CPT1A: variants seen among roughly 807,000 people sequenced by gnomAD.
The protein encoded by CPT1A is carnitine O-palmitoyltransferase 1, liver isoform.
CPT1A carries 64 observed loss-of-function variants against 100.8 expected under a neutral mutation model. The ratio of observed to expected loss-of-function variants is 0.63; its 90% CI spans 0.52 to 0.78. The LOEUF is 0.78. CPT1A is among the 30% of genes least tolerant of loss of function. The pLI is 0.00. For synonymous variants in CPT1A, 363 were observed against 396.0 expected (o/e 0.92, Z 0.99); for missense variants, 802 against 1,034.1 (o/e 0.78, Z 3.08).
At chr11:68,764,581 C>G (rs1282476314) in intron 14 of CPT1A, among the ~76,000 whole-genome samples, 1 of 152,110 alleles carries the variant, frequency 6.6e-6, no homozygotes, top group East Asian at 1.9e-4. Flanking sequence ...GAGAGTCAGA[C>G]AGAGCACAGG....
At chr11:68,828,265 G>A (rs1856783985) in intron 1 of CPT1A, among the ~76,000 whole-genome samples, 1 of 152,180 alleles carries the variant, frequency 6.6e-6, no homozygotes, top group Non-Finnish European at 1.5e-5. Context: ...TGCCCACCTC[G>A]CCATCGCTGC....
At chr11:68,760,192 C>G (rs1253929427) in intron 17 of CPT1A, 33 bp downstream of exon 17, 2 of 1,484,066 alleles carry the variant, frequency 1.3e-6, no homozygotes, top group Admixed American at 1.8e-5. Context: ...TCACCACGCC[C>G]CACTGCGCCT....
intron 1 of CPT1A, among the ~76,000 whole-genome samples, chr11:68,835,419 A>G (rs1856985734): frequency 6.6e-6 from 1 of 152,360 alleles, no homozygotes; most frequent in South Asian, 2.1e-4. Flanking sequence ...TTTGCACAGA[A>G]TATAACAACT....
chr11:68,784,543 A>T (rs1030289934), intron 10 of CPT1A, among the ~76,000 whole-genome samples: 1 of 152,164 alleles, frequency 6.6e-6, no homozygotes, highest in African/African-American at 2.4e-5. Context: ...CAAAAAAAAA[A>T]AGCCTAATTC....
chr11:68,836,788 G>T (rs1471978040), intron 1 of CPT1A, among the ~76,000 whole-genome samples: 3 of 136,534 alleles, frequency 2.2e-5, no homozygotes, highest in African/African-American at 8.2e-5. Context: ...GAAAAGAAAA[G>T]AAAATAAGAA....
intron 12 of CPT1A, among the ~76,000 whole-genome samples, chr11:68,778,695 CA>C (rs889880931): frequency 1.3e-3 from 178 of 137,852 alleles, no homozygotes; most frequent in Middle Eastern, 3.7e-3. Context: ...GACGCCATCT[CA>C]AAAAAAAAAG....
chr11:68,805,217 G>A (rs961737764), intron 4 of CPT1A, among the ~76,000 whole-genome samples: 13 of 152,132 alleles, frequency 8.5e-5, no homozygotes, highest in South Asian at 2.1e-4. Flanking sequence ...TTGGGAGGCC[G>A]AGGAGGGTGG....
chr11:68,773,237 G>A (rs1425380650), intron 14 of CPT1A, 28 bp downstream of exon 14: 32 of 1,612,624 alleles, frequency 2.0e-5, no homozygotes, highest in Non-Finnish European at 2.3e-5. Flanking sequence ...AAGTGCTCAC[G>A]ACAAAACCCT....
chr11:68,763,235 G>C (rs192402760), intron 14 of CPT1A, among the ~76,000 whole-genome samples: 2 of 152,268 alleles, frequency 1.3e-5, no homozygotes, highest in African/African-American at 4.8e-5. Flanking sequence ...GCTTCAGGAA[G>C]GGCCTGGTGG....
At chr11:68,825,207 C>T (rs978538274) in intron 1 of CPT1A, among the ~76,000 whole-genome samples, 2 of 152,036 alleles carry the variant, frequency 1.3e-5, no homozygotes, top group African/African-American at 4.8e-5. Flanking sequence ...TGTGCAAGCC[C>T]GGTAGGTAAG....
chr11:68,837,293 C>G (rs1262941273), intron 1 of CPT1A, among the ~76,000 whole-genome samples: 3 of 152,146 alleles, frequency 2.0e-5, no homozygotes, highest in African/African-American at 7.2e-5. Flanking sequence ...CATGTTCCGC[C>G]CATCGTGGCC....
At chr11:68,758,486 G>A (rs1197578345) in intron 18 of CPT1A, among the ~76,000 whole-genome samples, 2 of 152,102 alleles carry the variant, frequency 1.3e-5, no homozygotes, top group Non-Finnish European at 2.9e-5. Context: ...TTCTTAGTGT[G>A]TACCCATTAT....
At chr11:68,836,669 G>A (rs1007973431) in intron 1 of CPT1A, among the ~76,000 whole-genome samples, 4 of 152,030 alleles carry the variant, frequency 2.6e-5, no homozygotes, top group African/African-American at 9.7e-5. Context: ...CTGCTTGGGA[G>A]GCTGAGGCAG....
chr11:68,829,238 A>G (rs976528176), intron 1 of CPT1A, among the ~76,000 whole-genome samples: 23 of 152,138 alleles, frequency 1.5e-4, no homozygotes, highest in African/African-American at 5.6e-4. Flanking sequence ...TCTACAGCCC[A>G]GCCTTCCTTT....
chr11:68,762,741 G>A lies in CPT1A; in HGVS notation c.1761C>T (p.Leu587=). ...GCCGGGTCATGGAGGCCTCGTATGT[G>A]AGGCAAAACTTGCCCATGTCCTGGG... ...AHYKDMGKFC[L]TYEASMTRLF... is the part of the protein sequence containing the mutation. The change falls in exon 15 of 19, where the codon CTC becomes CTT. Residue 587 remains leucine (L), a synonymous_variant. Coordinates refer to ENST00000265641, the MANE Select transcript of CPT1A (RefSeq NM_001876.4). 6.2e-7 allele frequency: 1 copy of A among 1,614,138 alleles called. No individual in the cohort carries two copies. Among genetic ancestry groups the A allele is most frequent in the Non-Finnish European group, 8.5e-7 (1 of 1,180,044 alleles).
intron 1 of CPT1A, among the ~76,000 whole-genome samples, chr11:68,818,356 G>A (rs1435747442): frequency 6.6e-6 from 1 of 152,168 alleles, no homozygotes. Flanking sequence ...ATTCATGCCT[G>A]GACCTGCCAC....
intron 1 of CPT1A, chr11:68,839,662 G>A: frequency 1.0e-6 from 1 of 985,518 alleles, no homozygotes; most frequent in Non-Finnish European, 1.2e-6. Flanking sequence ...CAGGCACCGC[G>A]CTCAAGAGCC....
In CPT1A at chr11:68,761,558, C is replaced by T. The variant is rs2153994987; in HGVS notation, c.2005G>A (p.Val669Met). 4 of 1,614,092 alleles carry T rather than the reference C, an allele frequency of 2.5e-6. No individual in the cohort carries two copies. Among genetic ancestry groups the T allele is most frequent in the Non-Finnish European group, 2.5e-6 (3 of 1,180,034 alleles). ...CLYVVSKYLA[V>M]ESPFLKEVLS... The stretch of plus-strand genomic sequence containing the variant: ...ACTTCCTTAAGGAAAGGGGACTCCA[C>T]AGCGAGATATTTAGACACCACGTAA... The change falls in exon 16 of 19, where the codon GTG becomes ATG. Residue 669 changes from valine to methionine, a missense_variant. By Grantham distance (21) the Val-to-Met change is conservative. This residue lies in a region of CPT1A where 627 missense variants were observed against 799.3 expected (regional missense o/e 0.78). Transcript: ENST00000265641.
chr11:68,791,829 G>A (rs1855623969), intron 9 of CPT1A, among the ~76,000 whole-genome samples: 1 of 151,840 alleles, frequency 6.6e-6, no homozygotes, highest in Non-Finnish European at 1.5e-5. Flanking sequence ...GAGCCACCGC[G>A]CCTGGCCAGA....
Sources: allele counts gnomAD v4.1 joint callset (sites outside exome capture counted in the v4.1 genomes callset), GRCh38; gene constraint gnomAD v4.1.1; regional missense constraint gnomAD v4.1.1; transcripts MANE v1.5; gene names NCBI Gene and HGNC (gene_info 2026-07-23, HGNC 2026-07-21).